Variants in RAPGEF5 observed in about 807,000 individuals in gnomAD.
RAPGEF5 encodes Rap guanine nucleotide exchange factor 5, also known as M-Ras-regulated GEF.
RAPGEF5 carries 65 observed loss-of-function variants against 125.2 expected under a neutral mutation model. That is an observed-to-expected ratio of 0.52 (90% CI 0.43 to 0.64). The LOEUF (loss-of-function observed/expected upper bound fraction) is 0.64, where lower values mean the gene tolerates loss of function less well. Among genes scored for constraint, RAPGEF5 ranks in the 30% least tolerant of loss-of-function variants. The probability of loss-of-function intolerance (pLI) is 0.00; values close to 1 mark genes in which losing one functional copy is unlikely to be tolerated. For missense variants in RAPGEF5, 958 were observed against 1,048.1 expected (o/e 0.91, Z 1.19); for synonymous variants, 391 against 385.9 (o/e 1.01, Z -0.16).
intron 11 of RAPGEF5, among the ~76,000 whole-genome samples, chr7:22,172,147 G>A (rs1784369567): frequency 6.6e-6 from 1 of 151,622 alleles, no homozygotes; most frequent in Non-Finnish European, 1.5e-5. Context: ...TTTTGAGATG[G>A]AGTCTCACTC....
At chr7:22,138,670 T>G (rs752523748) in intron 21 of RAPGEF5, among the ~76,000 whole-genome samples, 2 of 152,206 alleles carry the variant, frequency 1.3e-5, no homozygotes, top group African/African-American at 2.4e-5. Context: ...GTCCAAGACT[T>G]CTGTCATCAC....
intron 5 of RAPGEF5, among the ~76,000 whole-genome samples, chr7:22,293,893 G>A (rs892669231): frequency 1.9e-4 from 29 of 152,074 alleles, no homozygotes; most frequent in Non-Finnish European, 2.5e-4. Context: ...AGACTAAATC[G>A]CCCAAAAATA....
At chr7:22,302,536 G>A (rs1783232817) in intron 5 of RAPGEF5, among the ~76,000 whole-genome samples, 2 of 152,064 alleles carry the variant, frequency 1.3e-5, no homozygotes, top group Non-Finnish European at 1.5e-5. Flanking sequence ...CTATCCACTC[G>A]CAAGACCAGT....
intron 16 of RAPGEF5, among the ~76,000 whole-genome samples, chr7:22,156,500 T>C (rs1260003180): frequency 6.6e-6 from 1 of 152,202 alleles, no homozygotes. Flanking sequence ...GAGATGGTTC[T>C]AGGAGGAAAA....
intron 6 of RAPGEF5, among the ~76,000 whole-genome samples, chr7:22,274,006 C>T (rs961042190): frequency 2.6e-5 from 4 of 152,142 alleles, no homozygotes; most frequent in Non-Finnish European, 5.9e-5. Context: ...GTCATCTCTG[C>T]ACAACTTGAC....
At chr7:22,315,307 A>C in intron 3 of RAPGEF5, 63 bp downstream of exon 3, 1 of 1,509,928 alleles carries the variant, frequency 6.6e-7, no homozygotes, top group Non-Finnish European at 8.9e-7. Context: ...TTACAATTTT[A>C]ACACAGGGTG....
intron 1 of RAPGEF5, among the ~76,000 whole-genome samples, chr7:22,325,215 C>G (rs904834866): frequency 2.0e-5 from 3 of 152,192 alleles, no homozygotes; most frequent in Non-Finnish European, 4.4e-5. Flanking sequence ...CCTCCTGGCC[C>G]CATTTGCAGG....
At chr7:22,223,635 G>C (rs1278219674) in intron 8 of RAPGEF5, among the ~76,000 whole-genome samples, 1 of 152,080 alleles carries the variant, frequency 6.6e-6, no homozygotes, top group Non-Finnish European at 1.5e-5. Context: ...TCTTGAGTAG[G>C]AAAGAGAAGA....
At chr7:22,197,572 C>T (rs1002269785) in intron 9 of RAPGEF5, among the ~76,000 whole-genome samples, 1 of 152,180 alleles carries the variant, frequency 6.6e-6, no homozygotes, top group Non-Finnish European at 1.5e-5. Flanking sequence ...TCACCTCCTC[C>T]AGGAAGCCCC....
At chr7:22,255,238 T>G (rs1562491212) in intron 7 of RAPGEF5, among the ~76,000 whole-genome samples, 1 of 152,126 alleles carries the variant, frequency 6.6e-6, no homozygotes, top group Non-Finnish European at 1.5e-5. Flanking sequence ...CGTAAAACAT[T>G]GGCTTCTCTC....
chr7:22,241,380 A>G (rs1016571116), intron 7 of RAPGEF5, among the ~76,000 whole-genome samples: 3 of 152,156 alleles, frequency 2.0e-5, no homozygotes, highest in Admixed American at 2.0e-4. Flanking sequence ...GTGACACCAA[A>G]TGAGCCACTA....
At chr7:22,343,271 C>T (rs926000601) in intron 1 of RAPGEF5, among the ~76,000 whole-genome samples, 2 of 152,066 alleles carry the variant, frequency 1.3e-5, no homozygotes, top group Non-Finnish European at 2.9e-5. Flanking sequence ...CCCCATGATT[C>T]GGTTACCTCC....
At chr7:22,269,757 C>T (rs906376616) in intron 6 of RAPGEF5, among the ~76,000 whole-genome samples, 1 of 152,160 alleles carries the variant, frequency 6.6e-6, no homozygotes, top group Non-Finnish European at 1.5e-5. Context: ...CCTGTTGGCA[C>T]TGGAAAAGAA....
intron 10 of RAPGEF5, 86 bp downstream of exon 10, chr7:22,193,829 C>A (rs1225018961): frequency 3.7e-6 from 6 of 1,611,278 alleles, no homozygotes; most frequent in South Asian, 1.1e-5. Flanking sequence ...AGGCAGAGAG[C>A]GAGTGAGATG....
chr7:22,148,284 T>C (rs1783508474), intron 18 of RAPGEF5, among the ~76,000 whole-genome samples: 1 of 152,260 alleles, frequency 6.6e-6, no homozygotes, highest in African/African-American at 2.4e-5. Context: ...AGGATACTTC[T>C]ACTTGGCTCT....
At chr7:22,331,443 T>C (rs1783914447) in intron 1 of RAPGEF5, among the ~76,000 whole-genome samples, 1 of 152,128 alleles carries the variant, frequency 6.6e-6, no homozygotes, top group Admixed American at 6.5e-5. Context: ...TCAACACCCC[T>C]TTAAAAAGTT....
intron 9 of RAPGEF5, among the ~76,000 whole-genome samples, chr7:22,197,616 T>G (rs1025880212): frequency 2.0e-5 from 3 of 152,152 alleles, no homozygotes; most frequent in African/African-American, 7.2e-5. Flanking sequence ...GGCCCTTCTG[T>G]GTGACTTCAC....
At chr7:22,186,298 A>G (rs1262440335) in intron 11 of RAPGEF5, among the ~76,000 whole-genome samples, 1 of 152,204 alleles carries the variant, frequency 6.6e-6, no homozygotes, top group Non-Finnish European at 1.5e-5. Flanking sequence ...GCATACTTCA[A>G]ATTTCTTTTA....
chr7:22,301,792 G>T (rs1354445844), intron 5 of RAPGEF5, among the ~76,000 whole-genome samples: 1 of 152,110 alleles, frequency 6.6e-6, no homozygotes, highest in Non-Finnish European at 1.5e-5. Flanking sequence ...AGTAATTACA[G>T]ATTTTTTTAT....
Sources: gnomAD v4.1 joint callset for allele counts (sites outside exome capture counted in the v4.1 genomes callset) on GRCh38, gnomAD v4.1.1 for gene constraint, MANE v1.5 for transcripts, NCBI Gene and HGNC (gene_info 2026-07-23, HGNC 2026-07-21) for gene names.